TTC28: variants seen among roughly 807,000 people sequenced by gnomAD.
TTC28 encodes the protein tetratricopeptide repeat domain 28.
Under a neutral mutation model 198.0 loss-of-function variants are expected in TTC28, and 61 were observed. That is an observed-to-expected ratio of 0.31 (90% CI 0.25 to 0.38). The LOEUF (loss-of-function observed/expected upper bound fraction) is 0.38, where lower values mean the gene tolerates loss of function less well. Ranked by LOEUF, TTC28 falls within the 10% of genes least tolerant of loss-of-function variation. The pLI, the probability that TTC28 is intolerant of heterozygous loss-of-function variation, is 1.00. For missense variants in TTC28, 2,678 were observed against 3,164.0 expected (o/e 0.85, Z 3.69); for synonymous variants, 1,171 against 1,297.8 (o/e 0.90, Z 2.10).
intron 2 of TTC28, among the ~76,000 whole-genome samples, chr22:28,467,902 C>T (rs1220843602): frequency 6.6e-6 from 1 of 152,058 alleles, no homozygotes; most frequent in Non-Finnish European, 1.5e-5. Flanking sequence ...GCTGGGACCA[C>T]AGGCGCATGC....
Position 28,561,327 on chromosome 22 carries a change from C to T in TTC28, c.381+68225G>A, listed in dbSNP as rs563833869. Among the ~76,000 whole-genome samples, 8 of 152,220 alleles carry T rather than the reference C, an allele frequency of 5.3e-5. No individual in the cohort carries two copies. In the East Asian group the frequency reaches 7.7e-4, roughly 15 times the overall value. On this transcript the variant is annotated intron_variant, in intron 2 of 22. Transcript: ENST00000397906. Reference sequence around the variant, plus strand: ...TCCTGACCTTGTGATCCACCCACCTCGGCCTCCCAAAGTGCTGGGATTACA... The same window carrying T: ...TCCTGACCTTGTGATCCACCCACCTTGGCCTCCCAAAGTGCTGGGATTACA...
intron 2 of TTC28, among the ~76,000 whole-genome samples, chr22:28,584,694 T>C (rs1601593168): frequency 6.6e-6 from 1 of 152,224 alleles, no homozygotes; most frequent in South Asian, 2.1e-4. Flanking sequence ...CAAATTTAGA[T>C]TGAGTCCTTT....
chr22:28,397,836 G>C (rs904631967), intron 2 of TTC28, among the ~76,000 whole-genome samples: 2 of 152,190 alleles, frequency 1.3e-5, no homozygotes, highest in African/African-American at 4.8e-5. Context: ...AGGAAATCCA[G>C]ATCATATGAA....
chr22:28,558,998 G>A (rs941381210), intron 2 of TTC28, among the ~76,000 whole-genome samples: 2 of 151,648 alleles, frequency 1.3e-5, no homozygotes, highest in African/African-American at 4.8e-5. Context: ...TCACGCCACT[G>A]CACTCCAGCC....
At chr22:28,391,919 T>G (rs2046729180) in intron 2 of TTC28, among the ~76,000 whole-genome samples, 1 of 152,262 alleles carries the variant, frequency 6.6e-6, no homozygotes, top group Non-Finnish European at 1.5e-5. Flanking sequence ...AGAGGCGCTC[T>G]GCTTTTTAGA....
chr22:28,099,155 T>C lies in TTC28; in HGVS notation c.3418-111A>G, dbSNP rs768377416. The stretch of plus-strand genomic sequence containing the variant: ...CTTTGTGCACAACCTAAATATTTTT[T>C]ACAGATTTGAAAGGAAGAGTCTGAT... On this transcript the variant is annotated intron_variant, in intron 9 of 22. Transcript: ENST00000397906. 5 of 1,414,300 alleles carry C rather than the reference T, an allele frequency of 3.5e-6. No individual in the cohort carries two copies. The South Asian group carries it at 7.2e-5, about 20-fold the overall frequency. The allele number at this position is 1,414,300 out of a possible 1,614,324, so 87.6% of individuals were successfully genotyped here. A position where few individuals can be genotyped will look rare whatever the true frequency, so the allele number is the denominator to read the frequency against.
chr22:28,621,534 G>C (rs2050996677), intron 2 of TTC28, among the ~76,000 whole-genome samples: 1 of 151,156 alleles, frequency 6.6e-6, no homozygotes, highest in African/African-American at 2.4e-5. Flanking sequence ...GGGCAACACA[G>C]CAAGACCCTA....
At chr22:28,313,526 G>A (rs1320545382) in intron 2 of TTC28, among the ~76,000 whole-genome samples, 2 of 152,126 alleles carry the variant, frequency 1.3e-5, no homozygotes, top group Non-Finnish European at 2.9e-5. Flanking sequence ...AATCAAGACG[G>A]CTTCATCCCT....
intron 2 of TTC28, among the ~76,000 whole-genome samples, chr22:28,467,876 C>T (rs1423246969): frequency 6.6e-6 from 1 of 152,150 alleles, no homozygotes; most frequent in East Asian, 1.9e-4. Context: ...ATCCTCCCGT[C>T]TCAGCCTCCT....
At position 28,315,906 on chromosome 22, in the gene TTC28, A is replaced by G. The variant is rs114354505; in HGVS notation, c.382-9263T>C. On this transcript the variant is annotated intron_variant, in intron 2 of 22. Transcript: ENST00000397906. ...GAGTGAAAGTTTCATAAGTGAAAGA[A>G]GAAAGCTCTCAGCTGCGATGAAGGG... Among the ~76,000 whole-genome samples the G allele has an allele frequency of 2.2e-3, 331 of 152,306 alleles. 2 individuals are homozygous for G. Among genetic ancestry groups the G allele is most frequent in the African/African-American group, 7.7e-3 (321 of 41,572 alleles).
At chr22:28,568,945 G>T (rs570707677) in intron 2 of TTC28, among the ~76,000 whole-genome samples, 2 of 151,886 alleles carry the variant, frequency 1.3e-5, no homozygotes, top group Non-Finnish European at 2.9e-5. Flanking sequence ...TCAGGAGTTC[G>T]ACACCAGCCT....
intron 7 of TTC28, 75 bp from the exon 8 acceptor site, chr22:28,105,877 G>A (rs1942282924): frequency 1.4e-6 from 2 of 1,446,064 alleles, no homozygotes; most frequent in Non-Finnish European, 1.8e-6. Context: ...CTGAGAAAAT[G>A]AAAAGCATTT....
chr22:28,234,352 C>T (rs1929073383), intron 5 of TTC28, among the ~76,000 whole-genome samples: 1 of 151,364 alleles, frequency 6.6e-6, no homozygotes. Flanking sequence ...ACCTAAAATT[C>T]TACATTAGCC....
chr22:28,582,813 A>G (rs1172497920), intron 2 of TTC28, among the ~76,000 whole-genome samples: 1 of 152,212 alleles, frequency 6.6e-6, no homozygotes. Context: ...TTTATATGCA[A>G]CTTGGGGTAA....
At chr22:28,398,205 A>G (rs1332500586) in intron 2 of TTC28, among the ~76,000 whole-genome samples, 2 of 152,190 alleles carry the variant, frequency 1.3e-5, no homozygotes, top group African/African-American at 4.8e-5. Context: ...ATGGAGCCCA[A>G]GTGGTTACAG....
At chr22:28,371,520 A>AAAAAAAAAAAAAAAAAAAAAAC in intron 2 of TTC28, among the ~76,000 whole-genome samples, 2 of 133,696 alleles carry the variant, frequency 1.5e-5, no homozygotes, top group African/African-American at 2.8e-5. Context: ...AAAAAAAAAA[A>AAAAAAAAAAAAAAAAAAAAAAC]AAAAAAAAAG....
chr22:28,533,272 A>T (rs1241493677), intron 2 of TTC28, among the ~76,000 whole-genome samples: 1 of 152,128 alleles, frequency 6.6e-6, no homozygotes, highest in East Asian at 1.9e-4. Context: ...TAACAGACAA[A>T]CAGAGAGCCA....
intron 2 of TTC28, among the ~76,000 whole-genome samples, chr22:28,591,170 G>C (rs2050429792): frequency 6.7e-6 from 1 of 148,726 alleles, no homozygotes; most frequent in Non-Finnish European, 1.5e-5. Context: ...GTACAGTGGA[G>C]TGACCATGGC....
At chr22:28,129,503 G>A (rs1943004815) in intron 6 of TTC28, among the ~76,000 whole-genome samples, 1 of 152,176 alleles carries the variant, frequency 6.6e-6, no homozygotes, top group African/African-American at 2.4e-5. Flanking sequence ...TCTGGCTCTG[G>A]CATTTCCTGG....
Sources: allele counts gnomAD v4.1 joint callset (sites outside exome capture counted in the v4.1 genomes callset), GRCh38; gene constraint gnomAD v4.1.1; transcripts MANE v1.5; gene names NCBI Gene and HGNC (gene_info 2026-07-23, HGNC 2026-07-21).